The following TENM3 variants were observed in gnomAD, a reference collection of about 807,000 sequenced individuals.
TENM3 encodes the protein teneurin-3.
In TENM3, 63 loss-of-function variants were observed where a neutral mutation model predicts 255.1. The observed-to-expected ratio is 0.25, with a 90% CI of 0.20 to 0.30. TENM3 has a LOEUF of 0.30. Among genes scored for constraint, TENM3 ranks in the 10% least tolerant of loss-of-function variants. The pLI is 1.00. For missense variants in TENM3, 2,929 were observed against 3,461.1 expected (o/e 0.85, Z 3.86); for synonymous variants, 1,306 against 1,322.3 (o/e 0.99, Z 0.27).
the TENM3 span, among the ~76,000 whole-genome samples, chr4:181,519,993 T>G: frequency 1.3e-5 from 2 of 152,202 alleles, no homozygotes; most frequent in Non-Finnish European, 2.9e-5. Context: ...TTCCCAATAT[T>G]TGCAGCAAAA....
the TENM3 span, among the ~76,000 whole-genome samples, chr4:181,649,480 T>G: frequency 6.6e-6 from 1 of 152,360 alleles, no homozygotes; most frequent in East Asian, 1.9e-4. Context: ...TTAGGCCTTA[T>G]GTGTTGACAA....
intron 1 of TENM3, among the ~76,000 whole-genome samples, chr4:182,281,900 T>C (rs1760408968): frequency 6.6e-6 from 1 of 152,126 alleles, no homozygotes; most frequent in South Asian, 2.1e-4. Context: ...CATACCCGGC[T>C]AATTTTGGTA....
chr4:182,604,186 A>G (rs568029496), intron 4 of TENM3, among the ~76,000 whole-genome samples: 77 of 152,296 alleles, frequency 5.1e-4, no homozygotes, highest in Middle Eastern at 6.8e-3. Flanking sequence ...GAGACAATCA[A>G]TGTGACTGTG....
the TENM3 span, among the ~76,000 whole-genome samples, chr4:181,574,272 C>T: frequency 1.3e-5 from 2 of 152,138 alleles, no homozygotes; most frequent in Non-Finnish European, 1.5e-5. Context: ...TGGCTCACGC[C>T]TGTAATCCCA....
At chr4:182,035,102 C>T in the TENM3 span, among the ~76,000 whole-genome samples, 1 of 152,108 alleles carries the variant, frequency 6.6e-6, no homozygotes, top group South Asian at 2.1e-4. Flanking sequence ...CATCTTTTAA[C>T]ATTGTGAGAT....
At chr4:182,652,688 G>A in intron 5 of TENM3, among the ~76,000 whole-genome samples, 1 of 152,258 alleles carries the variant, frequency 6.6e-6, no homozygotes, top group East Asian at 1.9e-4. Flanking sequence ...GATCTGAAGG[G>A]CTTTTTGACA....
intron 3 of TENM3, among the ~76,000 whole-genome samples, chr4:182,515,744 G>C (rs1268002458): frequency 6.6e-6 from 1 of 152,124 alleles, no homozygotes; most frequent in Non-Finnish European, 1.5e-5. Flanking sequence ...AGTCACCTAA[G>C]AGAAATGGAA....
chr4:182,123,149 G>C, the TENM3 span, among the ~76,000 whole-genome samples: 4 of 152,108 alleles, frequency 2.6e-5, no homozygotes, highest in Non-Finnish European at 5.9e-5. Context: ...TGGCTGTTTT[G>C]TTGTTATTGT....
intron 16 of TENM3, among the ~76,000 whole-genome samples, chr4:182,732,757 G>A (rs1760872570): frequency 6.6e-6 from 1 of 152,228 alleles, no homozygotes; most frequent in Admixed American, 6.5e-5. Context: ...AGCCCAGAGA[G>A]GTCAAGGCTG....
At chr4:182,585,721 C>G (rs1218405965) in intron 3 of TENM3, among the ~76,000 whole-genome samples, 1 of 152,220 alleles carries the variant, frequency 6.6e-6, no homozygotes, top group African/African-American at 2.4e-5. Flanking sequence ...CGTCACATCT[C>G]TATTCTCTTC....
chr4:182,731,844 C>G (rs868497561), intron 16 of TENM3, among the ~76,000 whole-genome samples: 30 of 150,618 alleles, frequency 2.0e-4, no homozygotes, highest in Admixed American at 3.3e-4. Flanking sequence ...TGCAGTGGCA[C>G]GATCTCGGCT....
chr4:181,462,573 GT>G, the TENM3 span, among the ~76,000 whole-genome samples: 1 of 152,230 alleles, frequency 6.6e-6, no homozygotes, highest in East Asian at 1.9e-4. Context: ...ATTTTGCCTG[GT>G]TTTCAAATTT....
intron 3 of TENM3, among the ~76,000 whole-genome samples, chr4:182,455,608 C>G (rs1235364690): frequency 7.9e-6 from 1 of 126,652 alleles, no homozygotes; most frequent in Admixed American, 1.0e-4. Flanking sequence ...GCTGACCAGG[C>G]TGGAGTGCAG....
chr4:182,280,041 C>G (rs1349519043), intron 1 of TENM3, among the ~76,000 whole-genome samples: 1 of 152,182 alleles, frequency 6.6e-6, no homozygotes, highest in Non-Finnish European at 1.5e-5. Context: ...AGAATTTTTC[C>G]TGAACATTTT....
At chr4:181,901,422 A>G in the TENM3 span, among the ~76,000 whole-genome samples, 1 of 152,222 alleles carries the variant, frequency 6.6e-6, no homozygotes, top group Admixed American at 6.5e-5. Context: ...TTTGAGGCTA[A>G]ATTCAATATC....
chr4:182,198,554 A>G (rs1343853185), intron 1 of TENM3, among the ~76,000 whole-genome samples: 1 of 152,250 alleles, frequency 6.6e-6, no homozygotes, highest in Non-Finnish European at 1.5e-5. Context: ...TGGTGAGAAG[A>G]GGAAGGACAA....
chr4:181,901,798 T>C, the TENM3 span, among the ~76,000 whole-genome samples: 928 of 152,228 alleles, frequency 6.1e-3, 3 homozygotes, highest in Middle Eastern at 0.024. Context: ...CCAGCAAAAA[T>C]ACCGGGTATG....
chr4:182,747,867 C>T (rs368043005), intron 19 of TENM3, among the ~76,000 whole-genome samples: 47 of 152,266 alleles, frequency 3.1e-4, no homozygotes, highest in African/African-American at 1.1e-3. Flanking sequence ...ATATTCTAAA[C>T]AGTCTTTTGG....
chr4:181,738,867 C>T, the TENM3 span, among the ~76,000 whole-genome samples: 6 of 152,164 alleles, frequency 3.9e-5, no homozygotes, highest in South Asian at 6.2e-4. Flanking sequence ...ATTTCCCAAG[C>T]GAACCCTAAG....
Sources: gnomAD v4.1 joint callset for allele counts (sites outside exome capture counted in the v4.1 genomes callset) on GRCh38, gnomAD v4.1.1 for gene constraint, MANE v1.5 for transcripts, NCBI Gene and HGNC (gene_info 2026-07-23, HGNC 2026-07-21) for gene names.